ABCC4: variants seen among roughly 807,000 people sequenced by gnomAD.
The protein encoded by ABCC4 is ATP binding cassette subfamily C member 4 (PEL blood group).
In ABCC4, 102 loss-of-function variants were observed where a neutral mutation model predicts 168.5. The observed-to-expected ratio is 0.61, with a 90% confidence interval of 0.52 to 0.71. ABCC4 has a LOEUF of 0.71. Among genes scored for constraint, ABCC4 ranks in the 30% least tolerant of loss-of-function variants. The probability of loss-of-function intolerance (pLI) is 0.00; values close to 1 mark genes in which losing one functional copy is unlikely to be tolerated. For synonymous variants in ABCC4, 617 were observed against 590.7 expected (o/e 1.04, Z -0.65); for missense variants, 1,402 against 1,605.8 (o/e 0.87, Z 2.17).
At chr13:95,153,786 T>C (rs2139517255) in intron 19 of ABCC4, among the ~76,000 whole-genome samples, 1 of 152,304 alleles carries the variant, frequency 6.6e-6, no homozygotes, top group South Asian at 2.1e-4. Flanking sequence ...TTACCAGCTG[T>C]AGACAAGTGC....
intron 3 of ABCC4, among the ~76,000 whole-genome samples, chr13:95,245,400 C>T (rs2040079029): frequency 6.6e-6 from 1 of 152,232 alleles, no homozygotes; most frequent in South Asian, 2.1e-4. Flanking sequence ...TGAGGTTGCA[C>T]AGCCAAACTG....
At chr13:95,248,856 G>A (rs1010743649) in intron 1 of ABCC4, among the ~76,000 whole-genome samples, 11 of 152,256 alleles carry the variant, frequency 7.2e-5, no homozygotes, top group South Asian at 4.1e-4. Flanking sequence ...AGACCAGCCC[G>A]GCAAAACCCC....
chr13:95,211,295 C>T (rs1463870209), intron 4 of ABCC4, among the ~76,000 whole-genome samples: 1 of 152,124 alleles, frequency 6.6e-6, no homozygotes, highest in Non-Finnish European at 1.5e-5. Context: ...ACCAGGAGCC[C>T]CAGCAGATAC....
At chr13:95,295,850 C>T (rs994731099) in intron 1 of ABCC4, among the ~76,000 whole-genome samples, 1 of 151,546 alleles carries the variant, frequency 6.6e-6, no homozygotes, top group Non-Finnish European at 1.5e-5. Flanking sequence ...ACCTGTAGTC[C>T]CAGCTACTTG....
intron 8 of ABCC4, among the ~76,000 whole-genome samples, chr13:95,199,152 T>A (rs948653642): frequency 7.2e-5 from 11 of 152,292 alleles, no homozygotes; most frequent in Non-Finnish European, 1.2e-4. Flanking sequence ...TATAAAAATA[T>A]TTTTTAAAAA....
At chr13:95,044,547 T>A in intron 27 of ABCC4, 109 bp from the exon 28 acceptor site, 1 of 914,314 alleles carries the variant, frequency 1.1e-6, no homozygotes, top group Non-Finnish European at 1.6e-6. Flanking sequence ...AGATATAACT[T>A]AAGTGGACAC....
At chr13:95,030,531 G>GA (rs2031832426) in intron 30 of ABCC4, among the ~76,000 whole-genome samples, 1 of 152,196 alleles carries the variant, frequency 6.6e-6, no homozygotes, top group Non-Finnish European at 1.5e-5. Flanking sequence ...TGTATTTGGA[G>GA]AAAGTCTTTA....
chr13:95,087,729 T>A (rs2034302983), intron 20 of ABCC4, among the ~76,000 whole-genome samples: 1 of 152,204 alleles, frequency 6.6e-6, no homozygotes, highest in Non-Finnish European at 1.5e-5. Flanking sequence ...GCCCAAATAC[T>A]GACAGCATCA....
intron 4 of ABCC4, among the ~76,000 whole-genome samples, chr13:95,233,022 G>A (rs117873244): frequency 2.0e-4 from 30 of 152,162 alleles, no homozygotes; most frequent in Non-Finnish European, 4.1e-4. Flanking sequence ...AATATTTGGG[G>A]GAAACAAAAT....
intron 20 of ABCC4, among the ~76,000 whole-genome samples, chr13:95,106,625 C>T (rs2035015345): frequency 6.6e-6 from 1 of 151,986 alleles, no homozygotes; most frequent in African/African-American, 2.4e-5. Context: ...CCCAGTATAT[C>T]TACATTTTAC....
Position 95,177,736 on chromosome 13 carries a change from A to T in ABCC4, c.1698T>A (p.Asp566Glu). The change falls in exon 13 of 31, where the codon GAT (aspartate) becomes GAA (glutamate). Residue 566 changes from aspartate to glutamate, a missense_variant. This residue lies in a region of ABCC4 where 1,007 missense variants were observed against 1,127.3 expected (regional missense o/e 0.89). Coordinates refer to ENST00000645237, the MANE Select transcript of ABCC4 (RefSeq NM_005845.5). ...YLLDDPLSAV[D>E]AEVSRHLFEL... ...CGAACAAGTGTCTGCTAACTTCCGC[A>T]TCTACTGCACTGAGAGGATCGTCCA... 1.2e-6 allele frequency: 2 copies of T among 1,611,174 alleles called. No individual in the cohort carries two copies. Among genetic ancestry groups the T allele is most frequent in the Non-Finnish European group, 1.7e-6 (2 of 1,177,528 alleles).
intron 1 of ABCC4, among the ~76,000 whole-genome samples, chr13:95,282,243 A>G (rs1566597153): frequency 6.6e-6 from 1 of 152,172 alleles, no homozygotes; most frequent in African/African-American, 2.4e-5. Context: ...TCAGCCCGTA[A>G]TATGGGTGAT....
At chr13:95,112,356 A>G (rs1424935355) in intron 20 of ABCC4, among the ~76,000 whole-genome samples, 1 of 152,140 alleles carries the variant, frequency 6.6e-6, no homozygotes, top group East Asian at 1.9e-4. Context: ...ATCTCAAAAA[A>G]AAAAAAAAGA....
intron 25 of ABCC4, among the ~76,000 whole-genome samples, chr13:95,068,846 A>T (rs1432548205): frequency 6.6e-6 from 1 of 152,274 alleles, no homozygotes; most frequent in Non-Finnish European, 1.5e-5. Flanking sequence ...GATGTTGATC[A>T]GGTAGGACCT....
At chr13:95,079,477 T>C (rs1322861893) in intron 21 of ABCC4, among the ~76,000 whole-genome samples, 1 of 152,176 alleles carries the variant, frequency 6.6e-6, no homozygotes, top group Non-Finnish European at 1.5e-5. Flanking sequence ...TTCCAAGCAG[T>C]CTCAGGCAAC....
intron 20 of ABCC4, among the ~76,000 whole-genome samples, chr13:95,088,862 G>C (rs968431930): frequency 1.9e-4 from 29 of 151,656 alleles, no homozygotes; most frequent in African/African-American, 6.5e-4. Context: ...AGGAGAAAAT[G>C]ATTAAATAGA....
intron 20 of ABCC4, among the ~76,000 whole-genome samples, chr13:95,088,448 C>T (rs547138648): frequency 2.6e-5 from 4 of 152,202 alleles, no homozygotes; most frequent in Non-Finnish European, 5.9e-5. Flanking sequence ...ACTGCATAAA[C>T]ACACTTTTCA....
At chr13:95,243,223 G>A (rs564551278) in intron 3 of ABCC4, among the ~76,000 whole-genome samples, 1 of 152,238 alleles carries the variant, frequency 6.6e-6, no homozygotes, top group African/African-American at 2.4e-5. Context: ...CCTTGCTAGT[G>A]GGAGGGTTCA....
intron 19 of ABCC4, among the ~76,000 whole-genome samples, chr13:95,124,805 G>A (rs1397378041): frequency 1.3e-5 from 2 of 150,740 alleles, no homozygotes; most frequent in Non-Finnish European, 2.9e-5. Flanking sequence ...CTGAACCTGG[G>A]AGGCGGAAGC....
Sources: allele counts gnomAD v4.1 joint callset (sites outside exome capture counted in the v4.1 genomes callset), GRCh38; gene constraint gnomAD v4.1.1; regional missense constraint gnomAD v4.1.1; transcripts MANE v1.5; gene names NCBI Gene and HGNC (gene_info 2026-07-23, HGNC 2026-07-21).